Variants in DHX8 observed in about 807,000 individuals in gnomAD.
The protein encoded by DHX8 is DEAH-box helicase 8, also known as ATP-dependent RNA helicase DHX8.
In DHX8, 67 loss-of-function variants were observed where a neutral mutation model predicts 140.7. That is an observed-to-expected ratio of 0.48 (90% confidence interval 0.39 to 0.58). DHX8 has a LOEUF of 0.58. Ranked by LOEUF, DHX8 falls within the 20% of genes least tolerant of loss-of-function variation. The pLI, the probability that DHX8 is intolerant of heterozygous loss-of-function variation, is 0.00. For missense variants in DHX8, 887 were observed against 1,550.7 expected, an observed-to-expected ratio of 0.57 and a Z score of 7.19; for synonymous variants, 533 against 553.2, an observed-to-expected ratio of 0.96 and a Z score of 0.51.
rs564874586 is a variant in DHX8 at position 43,536,060 on chromosome 17, G to A, written c.351-352G>A. ...CGGGAGGCGGAAGTTGCAGTGAGCC[G>A]AGATTGTGCCACTGCACTCCAGCCT... is the stretch of plus-strand genomic sequence containing the variant. On this transcript the variant is annotated intron_variant, in intron 2 of 3. Coordinates refer to the DHX8 transcript ENST00000589898. Among the ~76,000 whole-genome samples the A allele has an allele frequency of 2.3e-3, 343 of 152,314 alleles. 1 individual carries two copies. The highest frequency in any genetic ancestry group is 7.7e-3 in the African/African-American group (320 of 41,576).
At chr17:43,513,583 A>G in intron 17 of DHX8, 81 bp downstream of exon 17, 3 of 1,466,088 alleles carry the variant, frequency 2.0e-6, no homozygotes, top group Non-Finnish European at 2.8e-6. Flanking sequence ...ATATATTTCA[A>G]ACTTGTTTTC....
Position 43,493,820 on chromosome 17 carries a change from G to A in DHX8, c.1146G>A (p.Glu382=), listed in dbSNP as rs1473602205. The A allele has an allele frequency of 6.2e-7, 1 of 1,614,162 alleles. No individual in the cohort carries two copies. The highest frequency in any genetic ancestry group is 8.5e-7 in the Non-Finnish European group (1 of 1,180,046). Residue 382 remains glutamate (E), a synonymous_variant, in exon 8 of 23, where the codon GAG becomes GAA. Coordinates refer to ENST00000262415, the MANE Select transcript of DHX8 (RefSeq NM_004941.3). ...HLSLVSAPEV[E]DDSLERKRLT... ...CCCTTGTCAGTGCTCCTGAAGTAGA[G>A]GACGACTCACTGGAACGCAAGCGCC...
intron 10 of DHX8, among the ~76,000 whole-genome samples, chr17:43,499,292 T>C (rs551436239): frequency 6.6e-6 from 1 of 152,278 alleles, no homozygotes; most frequent in African/African-American, 2.4e-5. Flanking sequence ...ACTTGAGCAC[T>C]TGGGGCTGGC....
intron 11 of DHX8, among the ~76,000 whole-genome samples, chr17:43,503,736 T>C (rs1969343514): frequency 5.9e-5 from 9 of 151,932 alleles, no homozygotes; most frequent in Admixed American, 5.9e-4. Context: ...GTATCCAGAA[T>C]AGAACCCGTA....
chr17:43,490,767 G>A (rs1378656818), intron 3 of DHX8, among the ~76,000 whole-genome samples: 1 of 152,108 alleles, frequency 6.6e-6, no homozygotes, highest in Non-Finnish European at 1.5e-5. Context: ...CCAGCTACTT[G>A]GGAGGCTAAG....
rs571573882 is a variant in DHX8 at position 43,487,191 on chromosome 17, T to C, written c.149-2258T>C. ...CATAAAAAGCACTTAGCATAGTGCC[T>C]GGCACGTAGTAATGTTCAAAAAGTA... On this transcript the variant is annotated intron_variant, in intron 1 of 22. Transcript: ENST00000262415. Among the ~76,000 whole-genome samples, 7 of 152,356 alleles carry C rather than the reference T, an allele frequency of 4.6e-5. No individual in the cohort carries two copies. In the South Asian group the frequency reaches 1.4e-3, roughly 32 times the overall value.
At chr17:43,485,373 C>T (rs973184940) in intron 1 of DHX8, among the ~76,000 whole-genome samples, 4 of 152,188 alleles carry the variant, frequency 2.6e-5, no homozygotes, top group Non-Finnish European at 5.9e-5. Flanking sequence ...TTTTTCTCAT[C>T]TGTGAAGTGG....
chr17:43,487,197 G>A (rs373440845), intron 1 of DHX8, among the ~76,000 whole-genome samples: 27 of 152,282 alleles, frequency 1.8e-4, no homozygotes, highest in African/African-American at 6.0e-4. Flanking sequence ...TGCCTGGCAC[G>A]TAGTAATGTT....
intron 19 of DHX8, among the ~76,000 whole-genome samples, 177 bp downstream of exon 19, chr17:43,520,444 A>C (rs562926344): frequency 3.7e-4 from 56 of 152,364 alleles, no homozygotes; most frequent in African/African-American, 1.3e-3. Context: ...TTCTTTATAC[A>C]AAAAGGTGTT....
At chr17:43,508,750 G>A (rs1489742222) in intron 16 of DHX8, among the ~76,000 whole-genome samples, 3 of 151,894 alleles carry the variant, frequency 2.0e-5, no homozygotes, top group Admixed American at 6.6e-5. Flanking sequence ...CTCCTGAGTA[G>A]CTGGGACTAC....
intron 1 of DHX8, among the ~76,000 whole-genome samples, chr17:43,486,937 G>C (rs1373838505): frequency 6.6e-6 from 1 of 151,544 alleles, no homozygotes; most frequent in East Asian, 1.9e-4. Context: ...AGACTGCTTT[G>C]GGAGGGGCTC....
chr17:43,530,558 G>T (rs1970863104), downstream of DHX8: 1 of 579,376 alleles, frequency 1.7e-6, no homozygotes, highest in African/African-American at 1.9e-5. Context: ...CCCTCAGAAT[G>T]GACAAAAATG....
intron 11 of DHX8, among the ~76,000 whole-genome samples, chr17:43,501,745 C>A (rs1377259083): frequency 6.6e-6 from 1 of 152,142 alleles, no homozygotes; most frequent in African/African-American, 2.4e-5. Context: ...ATCTCAGCCT[C>A]CCAAAGTGCC....
chr17:43,535,754 A>T (rs1486240956), intron 2 of DHX8, among the ~76,000 whole-genome samples: 2 of 152,220 alleles, frequency 1.3e-5, no homozygotes, highest in Non-Finnish European at 2.9e-5. Context: ...AAAAATGTCT[A>T]CAGATATTAC....
rs779254537 is a variant in DHX8 at position 43,532,775 on chromosome 17, G to A, written c.351-3637G>A. On this transcript the variant is annotated intron_variant, in intron 2 of 3. Transcript: ENST00000589898. ...ACCCTGGTCCACGGCTGGCTGGCCC[G>A]CCTGTTCATACAGGGGATCATGGTA... 6.9e-5 allele frequency: 112 copies of A among 1,613,888 alleles called. No individual in the cohort carries two copies. Among genetic ancestry groups the A allele is most frequent in the Non-Finnish European group, 8.7e-5 (103 of 1,179,998 alleles).
At chr17:43,532,158 CG>C (rs937264565) in intron 2 of DHX8, among the ~76,000 whole-genome samples, 1 of 152,194 alleles carries the variant, frequency 6.6e-6, no homozygotes, top group Non-Finnish European at 1.5e-5. Context: ...CACCATGCCC[CG>C]GGGGCCCCCC....
Position 43,492,738 on chromosome 17 carries a change from C to T in DHX8, c.561C>T (p.Asp187=), listed in dbSNP as rs1234608140. 2 of 1,613,536 alleles carry T rather than the reference C, an allele frequency of 1.2e-6. No homozygotes were observed. The highest frequency in any genetic ancestry group is 1.1e-5 in the South Asian group (1 of 91,056). ...SRSRDRNRDR[D]RDRERNRDRD... ...GCCGAGATCGAAACCGAGATCGAGA[C>T]AGAGATAGGGAACGAAACCGAGATA... Residue 187 remains aspartate, a synonymous_variant, in exon 6 of 23, where the codon GAC becomes GAT. Coordinates refer to ENST00000262415, the MANE Select transcript of DHX8 (RefSeq NM_004941.3).
At chr17:43,489,705 C>T (rs1056346308) in intron 2 of DHX8, among the ~76,000 whole-genome samples, 171 bp downstream of exon 2, 1 of 150,630 alleles carries the variant, frequency 6.6e-6, no homozygotes, top group Non-Finnish European at 1.5e-5. Flanking sequence ...ATTCTCTTGC[C>T]TCAGTCTCCC....
chr17:43,525,853 A>G, downstream of DHX8: 1 of 981,106 alleles, frequency 1.0e-6, no homozygotes, highest in Non-Finnish European at 1.2e-6. Context: ...CTGAGTGCCC[A>G]GCACTGACAA....
Sources: allele counts gnomAD v4.1 joint callset (sites outside exome capture counted in the v4.1 genomes callset), GRCh38; gene constraint gnomAD v4.1.1; transcripts MANE v1.5; gene names NCBI Gene and HGNC (gene_info 2026-07-23, HGNC 2026-07-21).